Variants in ZNF519 observed in about 807,000 individuals in gnomAD.
The protein encoded by ZNF519 is zinc finger protein 519, also known as similar to Zinc finger protein 85 (Zinc finger protein HPF4) (HTF1).
A neutral mutation model predicts 7.4 loss-of-function variants in ZNF519; 7 were observed. That is an observed-to-expected ratio of 0.94 (90% CI 0.54 to 1.77). ZNF519 has a LOEUF of 1.77. Ranked by LOEUF, ZNF519 falls within the 40% of genes most tolerant of loss-of-function variation. The pLI is 0.00. For missense variants in ZNF519, 586 were observed against 623.1 expected (o/e 0.94, Z 0.63); for synonymous variants, 179 against 203.3 (o/e 0.88, Z 1.02).
intron 2 of ZNF519, among the ~76,000 whole-genome samples, chr18:14,087,527 C>T (rs116785863): frequency 1.6e-3 from 245 of 152,258 alleles, no homozygotes; most frequent in African/African-American, 5.6e-3. Flanking sequence ...GTTTATGGGA[C>T]TTGGGTGACA....
At chr18:14,075,909 C>T (rs185478322), downstream of ZNF519, 41 of 151,962 alleles carry the variant, frequency 2.7e-4, no homozygotes, top group Non-Finnish European at 1.9e-4. Flanking sequence ...TGCTGAACTA[C>T]ACACCACACA....
chr18:14,099,597 T>G (rs550316378), downstream of ZNF519, among the ~76,000 whole-genome samples: 1 of 152,240 alleles, frequency 6.6e-6, no homozygotes, highest in Non-Finnish European at 1.5e-5. Context: ...ATACAAGAGA[T>G]GTTCATCCTA....
At position 14,101,174 on chromosome 18, in the gene ZNF519, G is replaced by C. The variant is rs1168800918; in HGVS notation, c.*3743C>G. ...AGCAGGTCCAGGAGCTGTTGGGTGG[G>C]GGTGAACTCTCTCTAGGTGCACAGG... On this transcript the variant is annotated 3_prime_UTR_variant, in exon 3 of 3. Coordinates refer to ENST00000590202, the MANE Select transcript of ZNF519 (RefSeq NM_145287.4). 6.5e-6 allele frequency: 1 copy of C among 153,854 alleles called. No homozygotes were observed. The highest frequency in any genetic ancestry group is 2.1e-4 in the South Asian group (1 of 4,834). The allele number at this position is 153,854 out of a possible 1,614,324, so 9.5% of individuals were successfully genotyped here.
chr18:14,122,642 T>G (rs1056037320), intron 2 of ZNF519: 1 of 151,780 alleles, frequency 6.6e-6, no homozygotes, highest in Non-Finnish European at 1.5e-5. Context: ...TTTAAGAGCA[T>G]GAGACAGAAG....
At position 14,091,245 on chromosome 18, in the gene ZNF519, T is replaced by C. The variant is rs548115695; in HGVS notation, c.131-6169A>G. ...TTACACGGAGATGGTTTTCTTCTACTTGTAGTGCACTGTAGGAAAAGACTT... is the reference window on the plus strand; with the variant it reads ...TTACACGGAGATGGTTTTCTTCTACCTGTAGTGCACTGTAGGAAAAGACTT... On this transcript the variant is annotated intron_variant and NMD_transcript_variant, in intron 2 of 4. Coordinates refer to the ZNF519 transcript ENST00000587419. 2.0e-5 allele frequency among the ~76,000 whole-genome samples: 3 copies of C among 152,310 alleles called. No individual in the cohort carries two copies. The East Asian group carries it at 5.8e-4, about 29-fold the overall frequency.
chr18:14,087,184 GA>G, intron 2 of ZNF519, among the ~76,000 whole-genome samples: 1 of 152,114 alleles, frequency 6.6e-6, no homozygotes, highest in Non-Finnish European at 1.5e-5. Context: ...ATTGGGTATA[GA>G]AGAAATATAC....
At chr18:14,077,552 T>G (rs1598505658) in intron 4 of ZNF519, 2 of 152,192 alleles carry the variant, frequency 1.3e-5, no homozygotes, top group African/African-American at 4.8e-5. Context: ...CAGTACACAC[T>G]TGGGGAGCTG....
At chr18:14,096,015 G>A (rs2046134950), downstream of ZNF519, among the ~76,000 whole-genome samples, 1 of 152,232 alleles carries the variant, frequency 6.6e-6, no homozygotes, top group Admixed American at 6.5e-5. Flanking sequence ...TGGAACACAA[G>A]ACCATGGTTT....
At chr18:14,084,458 A>G (rs529985760) in intron 3 of ZNF519, 5 of 152,288 alleles carry the variant, frequency 3.3e-5, no homozygotes, top group African/African-American at 1.2e-4. Context: ...AGCTAGTTCT[A>G]TTCCTGTCCT....
intron 2 of ZNF519, among the ~76,000 whole-genome samples, chr18:14,123,623 G>A (rs2046280806): frequency 6.6e-6 from 1 of 152,152 alleles, no homozygotes; most frequent in African/African-American, 2.4e-5. Context: ...GGAGGCTGAG[G>A]CAGAAGTGCT....
chr18:14,096,179 T>G (rs140293811), downstream of ZNF519, among the ~76,000 whole-genome samples: 4 of 152,328 alleles, frequency 2.6e-5, 1 homozygote, highest in Admixed American at 6.5e-5. Flanking sequence ...TTTATGTACT[T>G]CCCACTTCTT....
chr18:14,118,860 C>T (rs75903244), intron 2 of ZNF519, among the ~76,000 whole-genome samples: 2,696 of 152,232 alleles, frequency 0.018, 87 homozygotes, highest in African/African-American at 0.062. Flanking sequence ...CAGTTCTAGC[C>T]CTCACAGCCA....
In ZNF519 at chr18:14,132,283, G is replaced by A. The variant is rs754030897; in HGVS notation, c.-6C>T. The A allele has an allele frequency of 7.4e-6, 12 of 1,613,772 alleles. No homozygotes were observed. In the South Asian group the frequency reaches 1.2e-4, roughly 16 times the overall value. On this transcript the variant is annotated 5_prime_UTR_variant, in exon 1 of 3. Transcript: ENST00000590202. The stretch of plus-strand genomic sequence containing the variant: ...CTGCCCCCCACACTCACCATTTCTC[G>A]GCTTCAGGGGTGTCCTGGAGTCTTA...
At chr18:14,091,891 G>A (rs932564295) in intron 2 of ZNF519, among the ~76,000 whole-genome samples, 2 of 152,176 alleles carry the variant, frequency 1.3e-5, no homozygotes, top group Non-Finnish European at 2.9e-5. Flanking sequence ...TATGAATGTG[G>A]TGGGTGTGAG....
intron 3 of ZNF519, among the ~76,000 whole-genome samples, chr18:14,078,763 T>C (rs1411879736): frequency 6.6e-6 from 1 of 151,062 alleles, no homozygotes; most frequent in African/African-American, 2.4e-5. Context: ...TGGAAATCCA[T>C]CAATAGAATT....
At chr18:14,124,919 C>A (rs763949502) in intron 1 of ZNF519, among the ~76,000 whole-genome samples, 15 of 152,144 alleles carry the variant, frequency 9.9e-5, no homozygotes, top group Non-Finnish European at 2.2e-4. Context: ...TCCATGTGAT[C>A]CTATTGAAAG....
chr18:14,112,278 C>T (rs888230887), intron 2 of ZNF519, among the ~76,000 whole-genome samples: 1 of 152,038 alleles, frequency 6.6e-6, no homozygotes, highest in Non-Finnish European at 1.5e-5. Flanking sequence ...AATATCCCCT[C>T]ATGACAGAAA....
intron 3 of ZNF519, among the ~76,000 whole-genome samples, chr18:14,080,477 A>T (rs1325901814): frequency 2.0e-5 from 3 of 151,988 alleles, no homozygotes; most frequent in African/African-American, 7.3e-5. Flanking sequence ...ACACGCCACC[A>T]TGCCCAGCTA....
intron 2 of ZNF519, among the ~76,000 whole-genome samples, chr18:14,091,433 A>C (rs986849348): frequency 1.1e-4 from 17 of 152,282 alleles, no homozygotes; most frequent in African/African-American, 4.1e-4. Context: ...TTAGTCACCA[A>C]GGATACACCA....
Sources: gnomAD v4.1 joint callset for allele counts (sites outside exome capture counted in the v4.1 genomes callset) on GRCh38, gnomAD v4.1.1 for gene constraint, MANE v1.5 for transcripts, NCBI Gene and HGNC (gene_info 2026-07-23, HGNC 2026-07-21) for gene names.